The following IGSF21 variants were observed in gnomAD, a reference collection of about 807,000 sequenced individuals.
IGSF21 encodes immunoglobin superfamily member 21.
IGSF21 carries 28 observed loss-of-function variants against 46.8 expected under a neutral mutation model. That is an observed-to-expected ratio of 0.60 (90% CI 0.44 to 0.82). The LOEUF is 0.82. Among genes scored for constraint, IGSF21 ranks in the 40% least tolerant of loss-of-function variants. IGSF21 has a pLI of 0.00. For synonymous variants in IGSF21, 284 were observed against 273.6 expected (o/e 1.04, Z -0.38); for missense variants, 624 against 665.5 (o/e 0.94, Z 0.69).
Position 18,157,743 on chromosome 1 carries a change from G to A in IGSF21, c.70+49545G>A, listed in dbSNP as rs1242190196. Among the ~76,000 whole-genome samples the A allele has an allele frequency of 1.3e-5, 2 of 152,192 alleles. 1 individual carries two copies. Among genetic ancestry groups the A allele is most frequent in the South Asian group, 4.2e-4 (2 of 4,812 alleles). On this transcript the variant is annotated intron_variant, in intron 1 of 9. Coordinates refer to ENST00000251296, the MANE Select transcript of IGSF21 (RefSeq NM_032880.5). ...AAGAGAGGTTAAATAACTTTCCCAG[G>A]GTCACATATTTGGTTCGCCACTCCA...
intron 4 of IGSF21, among the ~76,000 whole-genome samples, chr1:18,351,143 C>G (rs1366189738): frequency 6.6e-6 from 1 of 152,132 alleles, no homozygotes; most frequent in African/African-American, 2.4e-5. Flanking sequence ...AACGCTGAGA[C>G]GGAATCTTCA....
rs550358011 is a variant in IGSF21, at chr1:18,346,829, G to A, written c.424+11819G>A. Reference sequence around the variant, plus strand: ...GCTACCAAAGCTGGCTGGAGTGGGGGCTGCAGCCCACAGGACTGAGGCGGG... The same window carrying A: ...GCTACCAAAGCTGGCTGGAGTGGGGACTGCAGCCCACAGGACTGAGGCGGG... On this transcript the variant is annotated intron_variant, in intron 4 of 9. Transcript: ENST00000251296. Among the ~76,000 whole-genome samples, 22 of 152,306 alleles carry A rather than the reference G, an allele frequency of 1.4e-4. 1 individual carries two copies. The highest frequency in any genetic ancestry group is 5.3e-4 in the African/African-American group (22 of 41,574).
At chr1:18,259,134 C>T (rs2084917816) in intron 2 of IGSF21, among the ~76,000 whole-genome samples, 1 of 152,154 alleles carries the variant, frequency 6.6e-6, no homozygotes, top group African/African-American at 2.4e-5. Context: ...GGTTGGGCAC[C>T]TGCCACATCC....
intron 1 of IGSF21, among the ~76,000 whole-genome samples, chr1:18,117,413 T>A (rs1474760577): frequency 6.6e-6 from 1 of 152,212 alleles, no homozygotes; most frequent in African/African-American, 2.4e-5. Flanking sequence ...CCAATGGGCA[T>A]GGGCTTTGTA....
intron 2 of IGSF21, among the ~76,000 whole-genome samples, chr1:18,273,064 T>TTTTTTTTTTTTTG (rs2085058805): frequency 7.0e-6 from 1 of 143,108 alleles, no homozygotes; most frequent in African/African-American, 2.7e-5. Context: ...TTTTTTTTTT[T>TTTTTTTTTTTTTG]AGATGGAGTC....
At chr1:18,208,621 T>C (rs1052304223) in intron 1 of IGSF21, among the ~76,000 whole-genome samples, 1 of 146,624 alleles carries the variant, frequency 6.8e-6, no homozygotes, top group African/African-American at 2.5e-5. Flanking sequence ...ATGGTCTTGA[T>C]CTCCTGACCT....
intron 1 of IGSF21, among the ~76,000 whole-genome samples, chr1:18,137,846 A>C (rs909156266): frequency 2.0e-5 from 3 of 152,122 alleles, no homozygotes; most frequent in Non-Finnish European, 4.4e-5. Flanking sequence ...TAATGTGTGT[A>C]ATCTGCATTA....
intron 1 of IGSF21, among the ~76,000 whole-genome samples, chr1:18,148,041 G>A (rs764121549): frequency 6.6e-6 from 1 of 151,216 alleles, no homozygotes. Flanking sequence ...TTCATCTTTC[G>A]CCATGATTGT....
intron 1 of IGSF21, among the ~76,000 whole-genome samples, chr1:18,188,774 C>G (rs1437988401): frequency 6.6e-6 from 1 of 152,224 alleles, no homozygotes; most frequent in African/African-American, 2.4e-5. Context: ...AATTGAGGCA[C>G]AGAGAAGCAA....
chr1:18,333,798 G>A (rs1357091966), intron 3 of IGSF21, among the ~76,000 whole-genome samples: 1 of 152,196 alleles, frequency 6.6e-6, no homozygotes, highest in Admixed American at 6.5e-5. Flanking sequence ...CAGAACAGGA[G>A]CCATCCAACT....
chr1:18,272,214 T>C (rs566488379), intron 2 of IGSF21, among the ~76,000 whole-genome samples: 3 of 149,204 alleles, frequency 2.0e-5, no homozygotes, highest in Non-Finnish European at 4.4e-5. Context: ...TCACTAACAC[T>C]AGAACAGTAT....
chr1:18,360,352 G>T (rs2086086472), intron 4 of IGSF21, among the ~76,000 whole-genome samples: 3 of 152,226 alleles, frequency 2.0e-5, no homozygotes, highest in African/African-American at 7.2e-5. Flanking sequence ...TGACAGCATG[G>T]GTTGGCTCCC....
chr1:18,362,500 G>A (rs72938769), intron 5 of IGSF21, among the ~76,000 whole-genome samples: 1,890 of 152,250 alleles, frequency 0.012, 39 homozygotes, highest in African/African-American at 0.043. Context: ...GCAGCCTTTC[G>A]GGGAGCCCAA....
chr1:18,199,671 C>T (rs2087048158), intron 1 of IGSF21, among the ~76,000 whole-genome samples: 2 of 152,136 alleles, frequency 1.3e-5, no homozygotes, highest in South Asian at 4.1e-4. Flanking sequence ...GTGGCAGCCC[C>T]CCTCCCCCTT....
chr1:18,121,355 C>A (rs1267563283), intron 1 of IGSF21, among the ~76,000 whole-genome samples: 2 of 152,162 alleles, frequency 1.3e-5, no homozygotes, highest in Non-Finnish European at 2.9e-5. Flanking sequence ...AAAACTTCCA[C>A]CGGCAGTCCT....
chr1:18,338,578 G>T (rs2085795814), intron 4 of IGSF21, among the ~76,000 whole-genome samples: 1 of 152,150 alleles, frequency 6.6e-6, no homozygotes, highest in Admixed American at 6.5e-5. Context: ...CCACCAGAAA[G>T]CCCAGCACCC....
At chr1:18,204,465 C>T (rs981612338) in intron 1 of IGSF21, among the ~76,000 whole-genome samples, 3 of 152,140 alleles carry the variant, frequency 2.0e-5, no homozygotes, top group African/African-American at 7.2e-5. Context: ...AAAAATCTTC[C>T]TTCTTTGAGT....
At chr1:18,356,912 G>C (rs1040043396) in intron 4 of IGSF21, among the ~76,000 whole-genome samples, 1 of 151,802 alleles carries the variant, frequency 6.6e-6, no homozygotes, top group Non-Finnish European at 1.5e-5. Flanking sequence ...GAAATGAGGA[G>C]AGAATAGGGG....
intron 1 of IGSF21, chr1:18,110,747 G>A (rs893239023): frequency 6.6e-6 from 1 of 152,398 alleles, no homozygotes; most frequent in African/African-American, 2.4e-5. Context: ...CGTGTCCTGG[G>A]GCGTTTTCAA....
Sources: allele counts gnomAD v4.1 joint callset (sites outside exome capture counted in the v4.1 genomes callset), GRCh38; gene constraint gnomAD v4.1.1; transcripts MANE v1.5; gene names NCBI Gene and HGNC (gene_info 2026-07-23, HGNC 2026-07-21).